MED26: variants seen among roughly 807,000 people sequenced by gnomAD.
MED26 encodes the protein mediator of RNA polymerase II transcription subunit 26.
Under a neutral mutation model 43.7 loss-of-function variants are expected in MED26, and 7 were observed. The observed-to-expected ratio is 0.16, with a 90% CI of 0.09 to 0.30. The LOEUF is 0.30. Among genes scored for constraint, MED26 ranks in the 10% least tolerant of loss-of-function variants. The pLI, the probability that MED26 is intolerant of heterozygous loss-of-function variation, is 1.00. For missense variants in MED26, 784 were observed against 840.6 expected (o/e 0.93, Z 0.83); for synonymous variants, 375 against 371.1 (o/e 1.01, Z -0.12).
intron 1 of MED26, among the ~76,000 whole-genome samples, chr19:16,579,412 A>G (rs2086032753): frequency 6.6e-6 from 1 of 152,208 alleles, no homozygotes; most frequent in South Asian, 2.1e-4. Context: ...CACTGACAAC[A>G]CTAGGTACTT....
At chr19:16,625,061 G>A (rs908926647) in intron 1 of MED26, among the ~76,000 whole-genome samples, 1 of 152,214 alleles carries the variant, frequency 6.6e-6, no homozygotes, top group Non-Finnish European at 1.5e-5. Context: ...AATGCAGTGA[G>A]AGTAAGCTGG....
chr19:16,579,224 G>A (rs746770864), intron 1 of MED26, among the ~76,000 whole-genome samples: 3 of 152,236 alleles, frequency 2.0e-5, no homozygotes, highest in Non-Finnish European at 4.4e-5. Flanking sequence ...AGCTGTATCT[G>A]GAACACAGAA....
chr19:16,585,894 G>A (rs1031264902), intron 1 of MED26, among the ~76,000 whole-genome samples: 9 of 152,218 alleles, frequency 5.9e-5, no homozygotes, highest in Admixed American at 1.3e-4. Context: ...ACCCGCTACT[G>A]GCCAACCTCT....
intron 1 of MED26, 72 bp from the exon 2 acceptor site, chr19:16,578,481 C>G (rs2086025820): frequency 1.4e-6 from 2 of 1,426,982 alleles, no homozygotes; most frequent in Non-Finnish European, 2.0e-6. Context: ...CCTGCCCCAG[C>G]CTGCTCCAGT....
intron 1 of MED26, among the ~76,000 whole-genome samples, chr19:16,609,336 A>AG (rs1555700670): frequency 3.5e-5 from 5 of 142,376 alleles, no homozygotes; most frequent in African/African-American, 5.0e-5. Flanking sequence ...AAAAAAAAAA[A>AG]AGAGAGAGAA....
chr19:16,619,564 A>C (rs1050152545), intron 1 of MED26, among the ~76,000 whole-genome samples: 7 of 152,134 alleles, frequency 4.6e-5, no homozygotes, highest in Non-Finnish European at 8.8e-5. Context: ...TGTGGGTGGG[A>C]AACAGAAGAG....
At position 16,578,288 on chromosome 19, in the gene MED26, C is replaced by A. The variant is rs1329353774; in HGVS notation, c.147+47G>T. 1.9e-6 allele frequency: 3 copies of A among 1,566,820 alleles called. No individual in the cohort carries two copies. In the South Asian group the frequency reaches 3.3e-5, roughly 17 times the overall value. ...GGAAGGACCTGGTTGGTACCATCCCCTGCCCCCCGTTCTGCCCTCCCAAAT... is the reference window on the plus strand; with the variant it reads ...GGAAGGACCTGGTTGGTACCATCCCATGCCCCCCGTTCTGCCCTCCCAAAT... On this transcript the variant is annotated intron_variant, in intron 2 of 2. Transcript: ENST00000263390.
At position 16,578,618 on chromosome 19, in the gene MED26, A is replaced by C. The variant is rs1301634549; in HGVS notation, c.73-209T>G. On this transcript the variant is annotated intron_variant, in intron 1 of 2. Transcript: ENST00000263390. ...CCTCACCTGCCGTCTGACCTCCTCC[A>C]GTGTGTGGTGTGCGGGCTGCCCCAA... The C allele has an allele frequency of 5.2e-6, 3 of 576,434 alleles. No individual in the cohort carries two copies. In the African/African-American group the frequency reaches 5.6e-5, roughly 11 times the overall value. 35.7% of individuals were successfully genotyped at this position (576,434 alleles called of 1,614,324 possible).
At chr19:16,607,904 G>A (rs2086181547) in intron 1 of MED26, among the ~76,000 whole-genome samples, 1 of 152,250 alleles carries the variant, frequency 6.6e-6, no homozygotes, top group African/African-American at 2.4e-5. Flanking sequence ...GTGAGCCAAT[G>A]AGGGGTGCTA....
At chr19:16,611,840 A>C (rs2086200821) in intron 1 of MED26, 1 of 152,100 alleles carries the variant, frequency 6.6e-6, no homozygotes, top group Non-Finnish European at 1.5e-5. Context: ...AAAAGAAGTA[A>C]ATGGAGACAA....
intron 1 of MED26, among the ~76,000 whole-genome samples, chr19:16,579,758 C>G (rs1463008176): frequency 6.6e-6 from 1 of 152,166 alleles, no homozygotes; most frequent in East Asian, 1.9e-4. Flanking sequence ...ATTAAAACAG[C>G]ATAAAAGGGC....
intron 1 of MED26, among the ~76,000 whole-genome samples, chr19:16,614,400 GTGTC>G (rs2086213475): frequency 6.6e-6 from 1 of 152,132 alleles, no homozygotes; most frequent in Admixed American, 6.5e-5. Flanking sequence ...GTGGTAGCGT[GTGTC>G]TGTAGTCTTA....
At chr19:16,600,950 C>G (rs1362962647) in intron 1 of MED26, among the ~76,000 whole-genome samples, 1 of 152,026 alleles carries the variant, frequency 6.6e-6, no homozygotes, top group Non-Finnish European at 1.5e-5. Flanking sequence ...AAAAATTAGC[C>G]AGGTGTGGTG....
chr19:16,579,300 C>T (rs1455662953), intron 1 of MED26, among the ~76,000 whole-genome samples: 4 of 152,150 alleles, frequency 2.6e-5, no homozygotes, highest in African/African-American at 9.7e-5. Context: ...GGAACAGGCA[C>T]ACGGCAATGA....
chr19:16,601,787 C>G (rs916930964), intron 1 of MED26, among the ~76,000 whole-genome samples: 1 of 152,244 alleles, frequency 6.6e-6, no homozygotes, highest in Non-Finnish European at 1.5e-5. Flanking sequence ...GGACACCTCC[C>G]GGCAGGCCAC....
chr19:16,593,987 C>A (rs1029776194), intron 1 of MED26, among the ~76,000 whole-genome samples: 6 of 152,202 alleles, frequency 3.9e-5, no homozygotes, highest in Non-Finnish European at 7.3e-5. Context: ...TCCAGTTTAC[C>A]TTCTTGGCAA....
intron 1 of MED26, among the ~76,000 whole-genome samples, chr19:16,604,949 GA>G (rs2086165712): frequency 6.6e-6 from 1 of 152,188 alleles, no homozygotes; most frequent in Non-Finnish European, 1.5e-5. Flanking sequence ...CCACAGGTAA[GA>G]AAATCAGTAC....
intron 1 of MED26, among the ~76,000 whole-genome samples, chr19:16,580,129 G>A (rs2086037410): frequency 6.6e-6 from 1 of 152,232 alleles, no homozygotes; most frequent in Admixed American, 6.5e-5. Flanking sequence ...CATCCATGCA[G>A]GGTGGTCACC....
intron 1 of MED26, among the ~76,000 whole-genome samples, chr19:16,609,614 T>C (rs1010220119): frequency 2.6e-5 from 4 of 151,812 alleles, no homozygotes; most frequent in Non-Finnish European, 4.4e-5. Context: ...AGCACACCAC[T>C]GTCTATACCT....
Sources: gnomAD v4.1 joint callset for allele counts (sites outside exome capture counted in the v4.1 genomes callset) on GRCh38, gnomAD v4.1.1 for gene constraint, MANE v1.5 for transcripts, NCBI Gene and HGNC (gene_info 2026-07-23, HGNC 2026-07-21) for gene names.